The following FLNB variants were observed in gnomAD, a reference collection of about 807,000 sequenced individuals.
The protein encoded by FLNB is filamin B.
Under a neutral mutation model 250.6 loss-of-function variants are expected in FLNB, and 111 were observed. The observed-to-expected ratio is 0.44, with a 90% confidence interval of 0.38 to 0.52. The LOEUF (loss-of-function observed/expected upper bound fraction) is 0.52, where lower values mean the gene tolerates loss of function less well. FLNB is among the 20% of genes least tolerant of loss of function. FLNB has a pLI of 0.00. For missense variants in FLNB, 2,869 were observed against 3,447.8 expected, an observed-to-expected ratio of 0.83 and a Z score of 4.20; for synonymous variants, 1,302 against 1,372.1, an observed-to-expected ratio of 0.95 and a Z score of 1.13.
At chr3:58,045,999 CAAAAAAAAAAAAA>C (rs34327981) in intron 1 of FLNB, among the ~76,000 whole-genome samples, 19 of 68,974 alleles carry the variant, frequency 2.8e-4, no homozygotes, top group African/African-American at 9.7e-4. Context: ...ACTCCGTCTC[CAAAAAAAAAAAAA>C]AAAAAAAAAA....
intron 1 of FLNB, among the ~76,000 whole-genome samples, chr3:58,043,829 C>T (rs560157257): frequency 2.0e-5 from 3 of 152,300 alleles, no homozygotes; most frequent in Non-Finnish European, 4.4e-5. Context: ...CTGTCTCATG[C>T]ACCCACCCCA....
chr3:58,163,304 G>T lies in FLNB; in HGVS notation c.7172G>T (p.Gly2391Val). 6.2e-7 allele frequency: 1 copy of T among 1,614,224 alleles called. No homozygotes were observed. The highest frequency in any genetic ancestry group is 1.3e-5 in the African/African-American group (1 of 75,066). Residue 2391 changes from glycine (G) to valine (V), a missense_variant, in exon 43 of 46, where the codon GGC becomes GTC. Gly to Val is a moderately radical substitution (Grantham distance 109, BLOSUM62 -3). Around this residue, in one of 5 missense-constraint regions of FLNB, gnomAD observed 1,084 missense variants for 1,315.5 expected, o/e 0.82. Transcript: ENST00000295956. ...AACCCTGCCCTGGTGTCCGCCTATGGCACGGGACTCGAAGGGGGCACCACA... is the reference window on the plus strand; with the variant it reads ...AACCCTGCCCTGGTGTCCGCCTATGTCACGGGACTCGAAGGGGGCACCACA... Reference protein sequence around the residue: ...AGNPALVSAYGTGLEGGTTGI... With the variant: ...AGNPALVSAYVTGLEGGTTGI...
At chr3:58,108,318 T>A (rs2097263096) in intron 12 of FLNB, 140 bp from the exon 13 acceptor site, 1 of 695,608 alleles carries the variant, frequency 1.4e-6, no homozygotes, top group Non-Finnish European at 2.6e-6. Context: ...TTACTTCCCA[T>A]AACCAACCTC....
At chr3:58,153,332 G>T in intron 38 of FLNB, 43 bp from the exon 39 acceptor site, 1 of 1,612,966 alleles carries the variant, frequency 6.2e-7, no homozygotes, top group Non-Finnish European at 8.5e-7. Context: ...TCAGGCCCTT[G>T]CCCTAACCCT....
rs2097348657 is a variant in FLNB, at chr3:58,153,502, C to T, written c.6495C>T (p.His2165=). ...TTGTGCCCCAGGAGATGGGCGTGCA[C>T]ACGGTCAGCGTCAAGTACCGTGGGC... ...VRFVPQEMGV[H]TVSVKYRGQH... is the part of the protein sequence containing the mutation. The change falls in exon 39 of 46, where the codon CAC becomes CAT. Residue 2165 remains histidine, a synonymous_variant. Coordinates refer to ENST00000295956, the MANE Select transcript of FLNB (RefSeq NM_001457.4). 6.2e-7 allele frequency: 1 copy of T among 1,614,214 alleles called. No individual in the cohort carries two copies. The highest frequency in any genetic ancestry group is 2.2e-5 in the East Asian group (1 of 44,880).
Position 58,121,320 on chromosome 3 carries a change from C to G in FLNB, c.2943C>G (p.Ile981Met). 6.2e-7 allele frequency: 1 copy of G among 1,614,176 alleles called. No homozygotes were observed. The highest frequency in any genetic ancestry group is 1.1e-5 in the South Asian group (1 of 91,074). ...GCCAGGGGAAGCTGGACGTGACAAT[C>G]CTCAGCCCCTCTCGGAAGGTCGTGC... ...AGGQGKLDVT[I>M]LSPSRKVVPC... Residue 981 changes from isoleucine to methionine, a missense_variant, in exon 20 of 46, where the codon ATC becomes ATG. This residue lies in a region of FLNB where 1,348 missense variants were observed against 1,466.7 expected (regional missense o/e 0.92). Coordinates refer to ENST00000295956, the MANE Select transcript of FLNB (RefSeq NM_001457.4).
intron 1 of FLNB, among the ~76,000 whole-genome samples, chr3:58,036,930 T>C (rs1334031792): frequency 1.3e-5 from 2 of 152,234 alleles, no homozygotes; most frequent in African/African-American, 2.4e-5. Flanking sequence ...CCTGTAAACG[T>C]TGAAGACTGA....
chr3:58,152,654 G>A, intron 38 of FLNB: 1 of 813,826 alleles, frequency 1.2e-6, no homozygotes, highest in Non-Finnish European at 1.7e-6. Flanking sequence ...CAAACATTCA[G>A]TTCATTACAT....
At chr3:58,138,183 C>A (rs1173537637) in intron 28 of FLNB, 99 bp from the exon 29 acceptor site, 18 of 1,525,008 alleles carry the variant, frequency 1.2e-5, no homozygotes, top group Admixed American at 6.7e-5. Flanking sequence ...GGAGGCCTAA[C>A]ATTTACAGGC....
intron 1 of FLNB, among the ~76,000 whole-genome samples, chr3:58,034,026 A>AATTTTTGTATTTTTAGT (rs1395050699): frequency 5.3e-5 from 8 of 151,656 alleles, no homozygotes; most frequent in Admixed American, 2.6e-4. Context: ...ACACCTGGCT[A>AATTTTTGTATTTTTAGT]ATTTTTGTAT....
intron 1 of FLNB, among the ~76,000 whole-genome samples, chr3:58,040,127 A>G (rs1398302451): frequency 6.6e-6 from 1 of 152,202 alleles, no homozygotes; most frequent in Non-Finnish European, 1.5e-5. Flanking sequence ...CCTGGGCAAC[A>G]AGAGCCATCT....
chr3:58,033,214 A>G (rs1198640071), intron 1 of FLNB, among the ~76,000 whole-genome samples: 6 of 152,202 alleles, frequency 3.9e-5, no homozygotes, highest in African/African-American at 1.4e-4. Flanking sequence ...CACCATAATC[A>G]AGACAGCGAA....
At chr3:58,011,235 C>G (rs1051754659) in intron 1 of FLNB, among the ~76,000 whole-genome samples, 4 of 152,028 alleles carry the variant, frequency 2.6e-5, no homozygotes, top group African/African-American at 9.7e-5. Context: ...ATTTTCGAAT[C>G]CACTCAGGCC....
rs1028952280 is a variant in FLNB at position 58,164,842 on chromosome 3, C to G, written c.7198+1512C>G. 8 of 152,630 alleles carry G rather than the reference C, an allele frequency of 5.2e-5. No individual in the cohort carries two copies. Among genetic ancestry groups the G allele is most frequent in the East Asian group, 1.9e-4 (1 of 5,206 alleles). 9.5% of individuals were successfully genotyped at this position (152,630 alleles called of 1,614,324 possible). ...GAGTCACTCCCCAAACAACACTCCC[C>G]CAAAAAGCAGTCAGCTGGGAGGAGG... is the stretch of plus-strand genomic sequence containing the variant. On this transcript the variant is annotated intron_variant, in intron 43 of 45. Transcript: ENST00000295956. This position sits in a 1 kb window ranked among gnomAD's most constrained non-coding sequence, Gnocchi z 4.0.
chr3:58,150,061 C>G (rs749067085), intron 37 of FLNB, 44 bp from the exon 38 acceptor site: 3 of 1,614,282 alleles, frequency 1.9e-6, no homozygotes, highest in Non-Finnish European at 2.5e-6. Flanking sequence ...AATGCTGTGC[C>G]TTGGCCTCTG....
At chr3:58,067,064 G>A (rs1250453916) in intron 1 of FLNB, among the ~76,000 whole-genome samples, 1 of 152,224 alleles carries the variant, frequency 6.6e-6, no homozygotes, top group African/African-American at 2.4e-5. Context: ...TGTTTACTCA[G>A]TTCTGTTGCA....
At position 58,073,574 on chromosome 3, in the gene FLNB, A is replaced by ATT. The variant is rs71091339; in HGVS notation, c.293-3457_293-3456dup. Among the ~76,000 whole-genome samples, 234 of 143,938 alleles carry ATT rather than the reference A, an allele frequency of 1.6e-3. 2 individuals are homozygous for ATT. Among genetic ancestry groups the ATT allele is most frequent in the African/African-American group, 5.8e-3 (223 of 38,698 alleles). 94.4% of individuals were successfully genotyped at this position (143,938 alleles called of 152,430 possible). ...TGCTGTTGCTGTCTTGAAGTTCTTA[A>ATT]TTTTTTTTTTTTTTTTGGCACTGGG... On this transcript the variant is annotated intron_variant, in intron 1 of 45. Coordinates refer to ENST00000295956, the MANE Select transcript of FLNB (RefSeq NM_001457.4).
chr3:58,024,911 T>C (rs746391594), intron 1 of FLNB, among the ~76,000 whole-genome samples: 15 of 150,592 alleles, frequency 1.0e-4, no homozygotes, highest in Non-Finnish European at 1.6e-4. Context: ...CGGGGTTTCA[T>C]CATATTGGCC....
chr3:58,042,489 C>T (rs896752770), intron 1 of FLNB, among the ~76,000 whole-genome samples: 1 of 151,802 alleles, frequency 6.6e-6, no homozygotes, highest in African/African-American at 2.4e-5. Flanking sequence ...GCTGGGACTA[C>T]AGGCATGTGC....
Sources: gnomAD v4.1 joint callset for allele counts (sites outside exome capture counted in the v4.1 genomes callset) on GRCh38, gnomAD v4.1.1 for gene constraint, gnomAD v4.1.1 regional missense constraint, Gnocchi (gnomAD v3.1) non-coding constraint, MANE v1.5 for transcripts, NCBI Gene and HGNC (gene_info 2026-07-23, HGNC 2026-07-21) for gene names.